The following ACAP3 variants were observed in gnomAD, a reference collection of about 807,000 sequenced individuals.
ACAP3 encodes the protein ArfGAP with coiled-coil, ankyrin repeat and PH domains 3.
ACAP3 carries 56 observed loss-of-function variants against 104.1 expected under a neutral mutation model. The ratio of observed to expected loss-of-function variants is 0.54; its 90% CI spans 0.43 to 0.67. The LOEUF (loss-of-function observed/expected upper bound fraction) is 0.67, where lower values mean the gene tolerates loss of function less well. Ranked by LOEUF, ACAP3 falls within the 30% of genes least tolerant of loss-of-function variation. ACAP3 has a pLI of 0.00. For missense variants in ACAP3, 1,208 were observed against 1,174.9 expected, an observed-to-expected ratio of 1.03 and a Z score of -0.41; for synonymous variants, 628 against 496.2, an observed-to-expected ratio of 1.27 and a Z score of -3.53.
intron 1 of ACAP3, chr1:1,304,942 G>C (rs1465998860): frequency 6.6e-6 from 1 of 152,360 alleles, no homozygotes; most frequent in Non-Finnish European, 1.5e-5. Context: ...CGGCTCACTG[G>C]CTGTCCGGGC....
rs929078845 is a variant in ACAP3, at chr1:1,292,717, C to T, written c.*847G>A. On this transcript the variant is annotated 3_prime_UTR_variant, in exon 24 of 24. Coordinates refer to ENST00000354700, the MANE Select transcript of ACAP3 (RefSeq NM_030649.3). ...CATTGGCAGGCCCTGCAATATGAGC[C>T]GAAAGACCCCTGGACCCAAGGGGGA... 2.0e-5 allele frequency: 3 copies of T among 152,234 alleles called. No homozygotes were observed. The highest frequency in any genetic ancestry group is 2.1e-4 in the South Asian group (1 of 4,834). The allele number at this position is 152,234 out of a possible 1,614,324, so 9.4% of individuals were successfully genotyped here. A position where few individuals can be genotyped will look rare whatever the true frequency, so the allele number is the denominator to read the frequency against.
chr1:1,300,684 C>T lies in ACAP3; in HGVS notation c.347G>A (p.Arg116Gln), dbSNP rs1641404262. ...QLQSFVKEDVRKFKETKKQFD... is the reference protein window; with the variant it reads ...QLQSFVKEDVQKFKETKKQFD... ...CTGCTTCTTTGTCTCCTTGAACTTC[C>T]GCACATCCCTGGAGGCCAAGTGCCA... is the stretch of plus-strand genomic sequence containing the variant. The change falls in exon 6 of 24, where the codon CGG becomes CAG. Residue 116 changes from arginine (R) to glutamine (Q), a missense_variant. Arg to Gln is a conservative substitution (Grantham distance 43). Transcript: ENST00000354700. 7.5e-6 allele frequency: 12 copies of T among 1,607,916 alleles called. No homozygotes were observed. Among genetic ancestry groups the T allele is most frequent in the Non-Finnish European group, 9.3e-6 (11 of 1,178,448 alleles).
In ACAP3 at chr1:1,302,489, G is replaced by A. The variant is rs1039154756; in HGVS notation, c.279+433C>T. On this transcript the variant is annotated intron_variant, in intron 4 of 23. Coordinates refer to ENST00000354700, the MANE Select transcript of ACAP3 (RefSeq NM_030649.3). ...CGGGCACAACCAGGAGCAAAGGGAC[G>A]GCTGAGCCATCCTGCCTTGTCTACT... 5.9e-5 allele frequency among the ~76,000 whole-genome samples: 9 copies of A among 152,290 alleles called. 1 individual carries two copies. In the South Asian group the frequency reaches 6.2e-4, roughly 11 times the overall value.
Position 1,293,581 on chromosome 1 carries a change from G to T in ACAP3, c.2488C>A (p.His830Asn). 1 of 1,491,788 alleles carries T rather than the reference G, an allele frequency of 6.7e-7. No individual in the cohort carries two copies. Among genetic ancestry groups the T allele is most frequent in the Admixed American group, 2.1e-5 (1 of 46,756 alleles). 92.4% of individuals were successfully genotyped at this position (1,491,788 alleles called of 1,614,324 possible). The change falls in exon 24 of 24, where the codon CAC (histidine) becomes AAC (asparagine). Residue 830 changes from histidine (H) to asparagine (N), a missense_variant. His to Asn is a moderately conservative substitution (Grantham distance 68, BLOSUM62 1). Coordinates refer to ENST00000354700, the MANE Select transcript of ACAP3 (RefSeq NM_030649.3). ...GCCCGGCCCTAGCTCTCTTCCAGGT[G>T]GAGGCTGATGAACTCCTGGATACAC... is the stretch of plus-strand genomic sequence containing the variant. ...RRCIQEFISL[H>N]LEES
intron 1 of ACAP3, chr1:1,307,158 T>C (rs1215792468): frequency 7.9e-7 from 1 of 1,265,766 alleles, no homozygotes; most frequent in Admixed American, 2.3e-5. Context: ...TGCACACGTC[T>C]GTGAACATGT....
Position 1,302,352 on chromosome 1 carries a change from G to C in ACAP3, c.280-306C>G, listed in dbSNP as rs183908704. Among the ~76,000 whole-genome samples the C allele has an allele frequency of 1.3e-3, 202 of 152,184 alleles. 1 individual carries two copies. The highest frequency in any genetic ancestry group is 3.0e-3 in the Admixed American group (46 of 15,294). The stretch of plus-strand genomic sequence containing the variant: ...CTCCTGGCCCTGGGCGGCCACCCTG[G>C]GGTGCCCATCCCTGCAGCAGGGAGC... On this transcript the variant is annotated intron_variant, in intron 4 of 23. Transcript: ENST00000354700.
rs750572018 is a variant in ACAP3 at position 1,303,023 on chromosome 1, A to T, written c.226-48T>A. ...GTGCTGAGATGGCAAATCCGGGCCC[A>T]GGTCACCCAGCCACGCCCTCTGAGC... On this transcript the variant is annotated intron_variant, in intron 3 of 23. Transcript: ENST00000354700. This position sits in a 1 kb window ranked among gnomAD's most constrained non-coding sequence, Gnocchi z 4.0. 1.3e-6 allele frequency: 2 copies of T among 1,581,694 alleles called. No homozygotes were observed. Among genetic ancestry groups the T allele is most frequent in the Non-Finnish European group, 1.7e-6 (2 of 1,163,064 alleles).
intron 1 of ACAP3, among the ~76,000 whole-genome samples, chr1:1,306,750 C>G (rs1641723240): frequency 6.6e-6 from 1 of 152,358 alleles, no homozygotes; most frequent in South Asian, 2.1e-4. Flanking sequence ...ACCACACATA[C>G]ATGTGTGTTC....
chr1:1,296,537 C>G lies in ACAP3; in HGVS notation c.1225G>C (p.Val409Leu), dbSNP rs778666650. The G allele has an allele frequency of 6.5e-7, 1 of 1,539,792 alleles. No homozygotes were observed. The highest frequency in any genetic ancestry group is 2.0e-5 in the Admixed American group (1 of 50,998). ...GVKGESVLQR[V>L]QSVAGNSQCG... Reference sequence around the variant, plus strand: ...TGGCTGTTGCCGGCCACACTCTGCACACGCTGCAGCACACTCTCGCCCTTC... The same window carrying G: ...TGGCTGTTGCCGGCCACACTCTGCAGACGCTGCAGCACACTCTCGCCCTTC... The change falls in exon 15 of 24, where the codon GTG (valine) becomes CTG (leucine). Residue 409 changes from valine (V) to leucine (L), a missense_variant. Val to Leu is a conservative substitution (Grantham distance 32, BLOSUM62 1). Transcript: ENST00000354700.
intron 1 of ACAP3, among the ~76,000 whole-genome samples, chr1:1,307,562 G>A (rs1298220756): frequency 6.6e-6 from 1 of 152,178 alleles, no homozygotes; most frequent in East Asian, 1.9e-4. Context: ...CTCCACCCGG[G>A]GCGGCCGCAC....
Position 1,303,775 on chromosome 1 carries a change from C to T in ACAP3, c.105+311G>A. The stretch of plus-strand genomic sequence containing the variant: ...AGCCCCAGCCCCAGCCACACCAAGG[C>T]TCAGCCCACACAGCAGCTGTCCCCG... On this transcript the variant is annotated intron_variant, in intron 2 of 23. Transcript: ENST00000354700. This position sits in a 1 kb window ranked among gnomAD's most constrained non-coding sequence, Gnocchi z 4.0. The T allele has an allele frequency of 2.0e-6, 1 of 506,498 alleles. No homozygotes were observed. The highest frequency in any genetic ancestry group is 3.6e-6 in the Non-Finnish European group (1 of 281,420). 31.4% of individuals were successfully genotyped at this position (506,498 alleles called of 1,614,324 possible).
intron 4 of ACAP3, 124 bp downstream of exon 4, chr1:1,302,798 C>G (rs565344152): frequency 5.1e-5 from 14 of 276,550 alleles, no homozygotes; most frequent in African/African-American, 3.0e-4. Context: ...GTGGGATTCC[C>G]CCCCCCCCCG....
Position 1,307,154 on chromosome 1 carries a change from C to T in ACAP3, c.47+615G>A, listed in dbSNP as rs867167221. The T allele has an allele frequency of 9.5e-6, 12 of 1,262,664 alleles. No individual in the cohort carries two copies. In the Middle Eastern group the frequency reaches 6.4e-4, roughly 68 times the overall value. The allele number at this position is 1,262,664 out of a possible 1,614,324, so 78.2% of individuals were successfully genotyped here. A position where few individuals can be genotyped will look rare whatever the true frequency, so the allele number is the denominator to read the frequency against. ...CAAAGCCGATGCACACTTGTGCACA[C>T]GTCTGTGAACATGTAGTTCACGCAG... On this transcript the variant is annotated intron_variant, in intron 1 of 23. Transcript: ENST00000354700.
At chr1:1,301,029 C>T (rs919544950) in intron 5 of ACAP3, among the ~76,000 whole-genome samples, 4 of 151,982 alleles carry the variant, frequency 2.6e-5, no homozygotes, top group Non-Finnish European at 5.9e-5. Flanking sequence ...GGTCTCCCAA[C>T]GTGCTGGGAT....
At position 1,307,694 on chromosome 1, in the gene ACAP3, C is replaced by G. The variant is rs991150962; in HGVS notation, c.47+75G>C. 6.9e-5 allele frequency: 73 copies of G among 1,059,664 alleles called. No individual in the cohort carries two copies. The African/African-American group carries it at 1.2e-3, about 17-fold the overall frequency. The allele number at this position is 1,059,664 out of a possible 1,614,324, so 65.6% of individuals were successfully genotyped here. On this transcript the variant is annotated intron_variant, in intron 1 of 23. Transcript: ENST00000354700. ...CGGCCCGGCCCGGCGCTGACCTCCC[C>G]ACCCCGCCGCCGGGCACAAAGGCGA...
At position 1,300,178 on chromosome 1, in the gene ACAP3, TC is replaced by T; in HGVS notation, c.546del (p.Lys183SerfsTer33). ...VLQINVLQAK[K>X]KFEILDSMLS... ...CTCACAGAGTCCAGGATCTCAAACT[TC>T]TTCTTGGCCTGCAGAACATTGATCT... is the stretch of plus-strand genomic sequence containing the variant. On this transcript the variant is annotated frameshift_variant, in exon 7 of 24. Transcript: ENST00000354700. LOFTEE classifies it high-confidence loss of function. 1 of 1,610,090 alleles carries T rather than the reference TC, an allele frequency of 6.2e-7. No individual in the cohort carries two copies. The highest frequency in any genetic ancestry group is 8.5e-7 in the Non-Finnish European group (1 of 1,178,508).
intron 4 of ACAP3, 119 bp downstream of exon 4, chr1:1,302,803 C>T (rs893287729): frequency 1.2e-5 from 4 of 329,412 alleles, no homozygotes; most frequent in East Asian, 2.2e-4. Context: ...ATTCCCCCCC[C>T]CCCCGACTAG....
intron 9 of ACAP3, 179 bp from the exon 10 acceptor site, chr1:1,299,535 G>C (rs1641351378): frequency 1.3e-5 from 11 of 837,006 alleles, no homozygotes; most frequent in African/African-American, 8.8e-5. Context: ...CCTCTGCCCG[G>C]GATGGTGGCC....
intron 4 of ACAP3, 45 bp downstream of exon 4, chr1:1,302,877 T>C: frequency 6.5e-7 from 1 of 1,537,546 alleles, no homozygotes; most frequent in Non-Finnish European, 8.8e-7. Context: ...GCAGCTCGGT[T>C]CCAGGCCAGG....
Sources: allele counts gnomAD v4.1 joint callset (sites outside exome capture counted in the v4.1 genomes callset), GRCh38; gene constraint gnomAD v4.1.1; non-coding constraint Gnocchi (gnomAD v3.1); transcripts MANE v1.5; gene names NCBI Gene and HGNC (gene_info 2026-07-23, HGNC 2026-07-21).